The following DOCK9 variants were observed in gnomAD, a reference collection of about 807,000 sequenced individuals.
DOCK9 encodes the protein dedicator of cytokinesis 9.
A neutral mutation model predicts 263.3 loss-of-function variants in DOCK9; 89 were observed. The observed-to-expected ratio is 0.34, with a 90% CI of 0.28 to 0.40. DOCK9 has a LOEUF of 0.40. Ranked by LOEUF, DOCK9 falls within the 10% of genes least tolerant of loss-of-function variation. The pLI, the probability that DOCK9 is intolerant of heterozygous loss-of-function variation, is 1.00. For synonymous variants in DOCK9, 976 were observed against 973.1 expected, an observed-to-expected ratio of 1.00 and a Z score of -0.06; for missense variants, 2,140 against 2,603.4, an observed-to-expected ratio of 0.82 and a Z score of 3.87.
intron 30 of DOCK9, among the ~76,000 whole-genome samples, chr13:98,866,541 G>A (rs555289107): frequency 6.6e-6 from 1 of 152,112 alleles, no homozygotes; most frequent in Non-Finnish European, 1.5e-5. Context: ...TACATACAAG[G>A]AATTAAGCTC....
At chr13:99,043,454 A>AG (rs1888666547) in intron 1 of DOCK9, among the ~76,000 whole-genome samples, 1 of 152,120 alleles carries the variant, frequency 6.6e-6, no homozygotes. Flanking sequence ...CTCCCTGAGA[A>AG]GGGGCAGCCC....
In DOCK9 at chr13:98,921,040, A is replaced by G; in HGVS notation, c.631T>C (p.Tyr211His). 1 of 1,601,978 alleles carries G rather than the reference A, an allele frequency of 6.2e-7. No homozygotes were observed. Among genetic ancestry groups the G allele is most frequent in the Non-Finnish European group, 8.5e-7 (1 of 1,173,516 alleles). Residue 211 changes from tyrosine (Y) to histidine (H), a missense_variant, in exon 7 of 53, where the codon TAT (tyrosine) becomes CAT (histidine). Around this residue, in one of 2 missense-constraint regions of DOCK9, gnomAD observed 1,521 missense variants for 1,741.7 expected, o/e 0.87. Coordinates refer to ENST00000682017, the MANE Select transcript of DOCK9 (RefSeq NM_001366683.2). The stretch of plus-strand genomic sequence containing the variant: ...TCATCTTTATAAAAATTCAAATTAT[A>G]GGATCCATCGCCAAGTTGAATCAGG... ...FHLIQLGDGS[Y>H]NLNFYKDEKI...
chr13:98,972,515 T>C (rs1328319086), intron 1 of DOCK9, among the ~76,000 whole-genome samples: 1 of 152,214 alleles, frequency 6.6e-6, no homozygotes, highest in Non-Finnish European at 1.5e-5. Context: ...GAGATCATTT[T>C]CCAGGCCTGG....
Position 98,831,649 on chromosome 13 carries a change from CTTATAAA to C in DOCK9, c.4445_4451del (p.Ile1482SerfsTer29). 1 of 1,612,214 alleles carries C rather than the reference CTTATAAA, an allele frequency of 6.2e-7. No homozygotes were observed. Reference sequence around the variant, plus strand: ...AACCACTGCCCATGAAGCAACTTACCTTATAAATTAAGGACCTTAAGGCAGTGAAGAC... The same window carrying C: ...AACCACTGCCCATGAAGCAACTTACCTTAAGGACCTTAAGGCAGTGAAGAC... On this transcript the variant is annotated frameshift_variant and splice_region_variant, in exon 40 of 53. Transcript: ENST00000682017. LOFTEE classifies it high-confidence loss of function.
At chr13:99,063,024 G>A (rs955999798) in intron 1 of DOCK9, among the ~76,000 whole-genome samples, 1 of 152,172 alleles carries the variant, frequency 6.6e-6, no homozygotes, top group Non-Finnish European at 1.5e-5. Context: ...ATAAGGGACC[G>A]AATTAGGAAA....
At chr13:99,006,985 A>C (rs1339791345) in intron 1 of DOCK9, among the ~76,000 whole-genome samples, 1 of 152,180 alleles carries the variant, frequency 6.6e-6, no homozygotes, top group Non-Finnish European at 1.5e-5. Flanking sequence ...CCAATTACTC[A>C]GGAGGCTTAG....
At chr13:98,975,868 G>A (rs4772163) in intron 1 of DOCK9, among the ~76,000 whole-genome samples, 54,025 of 151,886 alleles carry the variant, frequency 0.36, 9,940 homozygotes, top group South Asian at 0.49. Flanking sequence ...ACTGACATTC[G>A]AACAATGAAT....
chr13:98,922,169 GC>G, intron 5 of DOCK9, 23 bp from the exon 6 acceptor site: 1 of 1,539,996 alleles, frequency 6.5e-7, no homozygotes, highest in South Asian at 1.2e-5. Context: ...GAAAACACCA[GC>G]AGTCAACCTC....
At chr13:98,991,598 AAATAT>A (rs765147793) in intron 1 of DOCK9, among the ~76,000 whole-genome samples, 3 of 151,974 alleles carry the variant, frequency 2.0e-5, no homozygotes, top group Non-Finnish European at 4.4e-5. Context: ...GGGTTAAATA[AAATAT>A]ATTAGTAAAA....
At chr13:98,835,772 G>C (rs1267496482) in intron 39 of DOCK9, among the ~76,000 whole-genome samples, 1 of 116,464 alleles carries the variant, frequency 8.6e-6, no homozygotes, top group African/African-American at 3.4e-5. Flanking sequence ...ACGAAGTCTT[G>C]CTCTGTTGCC....
chr13:98,911,990 C>T (rs956309146), intron 9 of DOCK9, among the ~76,000 whole-genome samples: 3 of 151,552 alleles, frequency 2.0e-5, no homozygotes, highest in African/African-American at 7.3e-5. Flanking sequence ...CTGCCTCAGC[C>T]TCCCAAGTAG....
intron 1 of DOCK9, among the ~76,000 whole-genome samples, chr13:99,073,323 CTT>C (rs1024823638): frequency 4.0e-5 from 6 of 151,072 alleles, no homozygotes; most frequent in South Asian, 2.1e-4. Context: ...CTCTCTCTCT[CTT>C]CTCTCTCTTC....
intron 1 of DOCK9, among the ~76,000 whole-genome samples, chr13:98,986,417 C>T (rs1321817593): frequency 6.6e-6 from 1 of 152,226 alleles, no homozygotes; most frequent in Non-Finnish European, 1.5e-5. Context: ...AAGGAACACA[C>T]TCTCAGGTTA....
chr13:99,003,936 T>C lies in DOCK9; in HGVS notation c.130-48385A>G, dbSNP rs147779616. On this transcript the variant is annotated intron_variant, in intron 1 of 32. Transcript: ENST00000427887. ...AAAGTTCCAACAAGACCCACCATGATATGTCCCCTGCTTACCTCTCCAGCC... is the reference window on the plus strand; with the variant it reads ...AAAGTTCCAACAAGACCCACCATGACATGTCCCCTGCTTACCTCTCCAGCC... 7.2e-5 allele frequency among the ~76,000 whole-genome samples: 11 copies of C among 152,322 alleles called. No individual in the cohort carries two copies. In the East Asian group the frequency reaches 1.9e-3, roughly 27 times the overall value.
chr13:99,001,826 T>G (rs1038224201), intron 1 of DOCK9, among the ~76,000 whole-genome samples: 2 of 152,234 alleles, frequency 1.3e-5, no homozygotes, highest in African/African-American at 2.4e-5. Context: ...CGTACCTCAC[T>G]TGGTATTTGT....
chr13:98,867,474 C>A lies in DOCK9; in HGVS notation c.3237G>T (p.Pro1079=). ...RVVCNHEHYI[P]LNLPMPFGKG... is the part of the protein sequence containing the mutation. ...TTCCAAATGGCATTGGTAAGTTCAA[C>A]GGAATATAATGTTCATGGTTGCACA... Residue 1079 remains proline (P), a synonymous_variant, in exon 30 of 53, where the codon CCG becomes CCT. Coordinates refer to ENST00000682017, the MANE Select transcript of DOCK9 (RefSeq NM_001366683.2). 6.2e-7 allele frequency: 1 copy of A among 1,612,626 alleles called. No homozygotes were observed. Among genetic ancestry groups the A allele is most frequent in the Middle Eastern group, 1.7e-4 (1 of 6,058 alleles).
At chr13:99,030,779 A>G (rs1456288384) in intron 1 of DOCK9, among the ~76,000 whole-genome samples, 2 of 152,204 alleles carry the variant, frequency 1.3e-5, no homozygotes, top group East Asian at 1.9e-4. Context: ...GACTTTGAAA[A>G]CGAATGTGAC....
intron 1 of DOCK9, among the ~76,000 whole-genome samples, chr13:98,983,952 A>T (rs1595823489): frequency 6.6e-6 from 1 of 152,274 alleles, no homozygotes; most frequent in East Asian, 1.9e-4. Flanking sequence ...GATTTAATCA[A>T]ATAGTCACAG....
intron 1 of DOCK9, among the ~76,000 whole-genome samples, chr13:99,053,188 T>A (rs141136488): frequency 7.9e-4 from 121 of 152,322 alleles, no homozygotes; most frequent in African/African-American, 2.8e-3. Flanking sequence ...CCTTTTCTAT[T>A]GAAATCAGAT....
Sources: allele counts gnomAD v4.1 joint callset (sites outside exome capture counted in the v4.1 genomes callset), GRCh38; gene constraint gnomAD v4.1.1; regional missense constraint gnomAD v4.1.1; transcripts MANE v1.5; gene names NCBI Gene and HGNC (gene_info 2026-07-23, HGNC 2026-07-21).